Variants in AFG2A observed in about 807,000 individuals in gnomAD.
AFG2A encodes the protein ATPase family gene 2 protein homolog A.
At chr4:123,188,791 G>C in the AFG2A span, among the ~76,000 whole-genome samples, 1 of 152,136 alleles carries the variant, frequency 6.6e-6, no homozygotes, top group Admixed American at 6.5e-5. Context: ...GCATCATTTG[G>C]TAGGTAGACG....
chr4:123,285,311 C>T, the AFG2A span, among the ~76,000 whole-genome samples: 3 of 152,088 alleles, frequency 2.0e-5, no homozygotes, highest in Non-Finnish European at 4.4e-5. Context: ...TTTATAGACC[C>T]ATCTCCCTAG....
chr4:123,059,186 G>A, the AFG2A span, among the ~76,000 whole-genome samples: 50 of 110,906 alleles, frequency 4.5e-4, 1 homozygote, highest in Non-Finnish European at 8.8e-4. Context: ...AAGTTTTAGG[G>A]TACATGTGCA....
chr4:122,952,817 A>G, the AFG2A span, among the ~76,000 whole-genome samples: 1 of 152,192 alleles, frequency 6.6e-6, no homozygotes, highest in Non-Finnish European at 1.5e-5. Context: ...GGCAATGGGG[A>G]TGCTGAAGAA....
chr4:123,286,926 A>G, the AFG2A span, among the ~76,000 whole-genome samples: 1 of 152,094 alleles, frequency 6.6e-6, no homozygotes, highest in African/African-American at 2.4e-5. Flanking sequence ...CAAAGTCACT[A>G]AAATTACTCC....
chr4:123,276,366 A>C, the AFG2A span, among the ~76,000 whole-genome samples: 2 of 152,094 alleles, frequency 1.3e-5, no homozygotes, highest in Non-Finnish European at 2.9e-5. Context: ...AGTTCCTTAT[A>C]GATTCTGGAT....
the AFG2A span, among the ~76,000 whole-genome samples, chr4:123,022,701 C>G: frequency 2.6e-5 from 4 of 151,024 alleles, no homozygotes; most frequent in Middle Eastern, 3.2e-3. Flanking sequence ...ACCCAAAGGA[C>G]TATAAATCAT....
the AFG2A span, among the ~76,000 whole-genome samples, chr4:123,216,831 A>AT: frequency 2.6e-5 from 4 of 151,158 alleles, no homozygotes; most frequent in African/African-American, 7.3e-5. Context: ...GTTTTTTCAA[A>AT]TTTTTTTTGT....
the AFG2A span, among the ~76,000 whole-genome samples, chr4:123,131,325 G>A: frequency 6.6e-6 from 1 of 151,958 alleles, no homozygotes; most frequent in Non-Finnish European, 1.5e-5. Context: ...TTTTATTGCG[G>A]TAAAAAAGCA....
the AFG2A span, among the ~76,000 whole-genome samples, chr4:123,227,238 C>A: frequency 6.6e-6 from 1 of 151,966 alleles, no homozygotes; most frequent in Non-Finnish European, 1.5e-5. Flanking sequence ...TTAGTTATTT[C>A]TTGCCTTCTG....
chr4:123,292,788 G>T, the AFG2A span, among the ~76,000 whole-genome samples: 3 of 152,112 alleles, frequency 2.0e-5, no homozygotes, highest in Admixed American at 1.3e-4. Context: ...GTACTTTTCA[G>T]TTTTTTTCCC....
chr4:123,233,935 T>G, the AFG2A span, among the ~76,000 whole-genome samples: 3 of 152,086 alleles, frequency 2.0e-5, no homozygotes, highest in African/African-American at 7.2e-5. Context: ...ATTAGGTGAT[T>G]AATTGCCAGG....
At chr4:123,313,486 C>G in the AFG2A span, among the ~76,000 whole-genome samples, 7 of 152,234 alleles carry the variant, frequency 4.6e-5, no homozygotes, top group African/African-American at 7.2e-5. Flanking sequence ...ATATCTCCCC[C>G]TCTGCCCTCC....
the AFG2A span, among the ~76,000 whole-genome samples, chr4:123,197,213 A>C: frequency 6.6e-6 from 1 of 152,228 alleles, no homozygotes; most frequent in Non-Finnish European, 1.5e-5. Flanking sequence ...GGGGGACATT[A>C]GTCTTCTTAT....
At chr4:123,140,213 C>G in the AFG2A span, among the ~76,000 whole-genome samples, 12 of 152,022 alleles carry the variant, frequency 7.9e-5, no homozygotes, top group Non-Finnish European at 1.6e-4. Context: ...GCTGTTGATA[C>G]GGGAGAATGA....
At chr4:123,217,644 C>A in the AFG2A span, among the ~76,000 whole-genome samples, 1 of 152,170 alleles carries the variant, frequency 6.6e-6, no homozygotes, top group East Asian at 1.9e-4. Flanking sequence ...CCCTTCCACC[C>A]ATACCAGATC....
the AFG2A span, among the ~76,000 whole-genome samples, chr4:123,194,765 C>T: frequency 6.6e-6 from 1 of 152,088 alleles, no homozygotes; most frequent in South Asian, 2.1e-4. Flanking sequence ...AATAAAATTT[C>T]CTGGTTTCAT....
At chr4:123,110,902 A>G in the AFG2A span, among the ~76,000 whole-genome samples, 1 of 152,328 alleles carries the variant, frequency 6.6e-6, no homozygotes, top group South Asian at 2.1e-4. Flanking sequence ...ATCCCGTAGC[A>G]TGTCATTTTT....
chr4:123,089,413 C>T, the AFG2A span, among the ~76,000 whole-genome samples: 3 of 152,124 alleles, frequency 2.0e-5, no homozygotes, highest in African/African-American at 4.8e-5. Flanking sequence ...GTTTAATACG[C>T]TTACAATGCT....
At chr4:123,128,778 G>T in the AFG2A span, among the ~76,000 whole-genome samples, 4 of 152,096 alleles carry the variant, frequency 2.6e-5, no homozygotes, top group South Asian at 8.3e-4. Context: ...GACTAGACCT[G>T]TGTGTGATTT....
Sources: allele counts gnomAD v4.1 joint callset (sites outside exome capture counted in the v4.1 genomes callset), GRCh38; gene constraint gnomAD v4.1.1; transcripts MANE v1.5; gene names NCBI Gene and HGNC (gene_info 2026-07-23, HGNC 2026-07-21).